ST6GALNAC3: variants seen among roughly 807,000 people sequenced by gnomAD.
The protein encoded by ST6GALNAC3 is alpha-N-acetylgalactosaminide alpha-2,6-sialyltransferase 3.
Under a neutral mutation model 32.7 loss-of-function variants are expected in ST6GALNAC3, and 25 were observed. The ratio of observed to expected loss-of-function variants is 0.76; its 90% CI spans 0.56 to 1.07. The LOEUF is 1.07. Among genes scored for constraint, ST6GALNAC3 ranks in the 50% least tolerant of loss-of-function variants. The pLI is 0.00. For synonymous variants in ST6GALNAC3, 129 were observed against 133.1 expected (o/e 0.97, Z 0.21); for missense variants, 355 against 382.4 (o/e 0.93, Z 0.60).
intron 2 of ST6GALNAC3, among the ~76,000 whole-genome samples, chr1:76,345,874 C>T (rs1200243625): frequency 6.6e-6 from 1 of 152,096 alleles, no homozygotes; most frequent in African/African-American, 2.4e-5. Context: ...TGTCCTTCCT[C>T]AGGGCCTTTG....
chr1:76,474,911 C>T (rs1659252047), intron 3 of ST6GALNAC3, among the ~76,000 whole-genome samples: 1 of 152,134 alleles, frequency 6.6e-6, no homozygotes, highest in Admixed American at 6.5e-5. Context: ...ACACGCTCAA[C>T]TAAAATTATC....
At chr1:76,306,766 T>A in intron 1 of ST6GALNAC3, among the ~76,000 whole-genome samples, 1 of 152,012 alleles carries the variant, frequency 6.6e-6, no homozygotes, top group Middle Eastern at 3.4e-3. Flanking sequence ...AGAGGTTACA[T>A]TGAACTTTCT....
intron 1 of ST6GALNAC3, among the ~76,000 whole-genome samples, chr1:76,152,331 G>A (rs1314479008): frequency 1.3e-5 from 2 of 152,170 alleles, no homozygotes; most frequent in Non-Finnish European, 2.9e-5. Flanking sequence ...TGCTGTCCAG[G>A]TTATTTAAGA....
chr1:76,197,443 G>A (rs1182149139), intron 1 of ST6GALNAC3, among the ~76,000 whole-genome samples: 1 of 151,140 alleles, frequency 6.6e-6, no homozygotes, highest in African/African-American at 2.4e-5. Context: ...TCAAGGGAAG[G>A]GCAGGAAGAT....
rs1054242356 is a variant in ST6GALNAC3, at chr1:76,497,611, G to A, written c.623+85194G>A. 2.6e-5 allele frequency among the ~76,000 whole-genome samples: 4 copies of A among 152,250 alleles called. No homozygotes were observed. The South Asian group carries it at 6.2e-4, about 24-fold the overall frequency. ...TCTATTGAGTTCGTGTTCTCCTCCCGTTACTTGGCTAAAGAGTGGTTAGGA... is the reference window on the plus strand; with the variant it reads ...TCTATTGAGTTCGTGTTCTCCTCCCATTACTTGGCTAAAGAGTGGTTAGGA... On this transcript the variant is annotated intron_variant, in intron 3 of 4. Transcript: ENST00000328299.
rs148121841 is a variant in ST6GALNAC3, at chr1:76,527,391, T to G, written c.624-100061T>G. Among the ~76,000 whole-genome samples, 923 of 152,228 alleles carry G rather than the reference T, an allele frequency of 6.1e-3. 7 individuals are homozygous for G. Among genetic ancestry groups the G allele is most frequent in the African/African-American group, 0.021 (875 of 41,558 alleles). Reference sequence around the variant, plus strand: ...TGTCCATTTCAAAGATTAAATAGTTTTGGAAAAATTTTCTCCCCTGGCAGT... The same window carrying G: ...TGTCCATTTCAAAGATTAAATAGTTGTGGAAAAATTTTCTCCCCTGGCAGT... On this transcript the variant is annotated intron_variant, in intron 3 of 4. Coordinates refer to ENST00000328299, the MANE Select transcript of ST6GALNAC3 (RefSeq NM_152996.4).
chr1:76,275,010 G>T (rs1659054860), intron 1 of ST6GALNAC3, among the ~76,000 whole-genome samples: 1 of 152,148 alleles, frequency 6.6e-6, no homozygotes, highest in South Asian at 2.1e-4. Context: ...ATAATAGTGT[G>T]GTGTCCCTGT....
intron 1 of ST6GALNAC3, among the ~76,000 whole-genome samples, chr1:76,234,246 C>A (rs533108346): frequency 6.6e-6 from 1 of 152,148 alleles, no homozygotes; most frequent in Non-Finnish European, 1.5e-5. Flanking sequence ...TACCCTCCCC[C>A]GGTAGTGGCC....
intron 1 of ST6GALNAC3, among the ~76,000 whole-genome samples, chr1:76,253,446 C>T (rs538491240): frequency 9.2e-5 from 14 of 152,136 alleles, no homozygotes; most frequent in East Asian, 1.9e-4. Context: ...CACGTGAACC[C>T]GAACTGACAC....
chr1:76,302,287 G>T (rs145155632), intron 1 of ST6GALNAC3, among the ~76,000 whole-genome samples: 289 of 152,118 alleles, frequency 1.9e-3, no homozygotes, highest in Middle Eastern at 6.8e-3. Context: ...ATTTGCTGAG[G>T]TGTTTTGTTT....
intron 3 of ST6GALNAC3, among the ~76,000 whole-genome samples, chr1:76,435,201 CA>C (rs1305162559): frequency 6.6e-6 from 1 of 151,906 alleles, no homozygotes; most frequent in African/African-American, 2.4e-5. Flanking sequence ...ATTCAATATT[CA>C]AAAAGTATAT....
At chr1:76,342,368 T>C (rs548242357) in intron 2 of ST6GALNAC3, among the ~76,000 whole-genome samples, 14 of 152,240 alleles carry the variant, frequency 9.2e-5, no homozygotes, top group African/African-American at 3.1e-4. Context: ...CTCTCCAGCA[T>C]CTGTTGTTTC....
intron 1 of ST6GALNAC3, among the ~76,000 whole-genome samples, chr1:76,269,046 G>A (rs546685101): frequency 1.2e-4 from 19 of 152,152 alleles, no homozygotes; most frequent in Non-Finnish European, 1.9e-4. Context: ...TCCCTAGAGG[G>A]AGGGAATTTG....
At chr1:76,365,926 A>G (rs1176279881) in intron 2 of ST6GALNAC3, among the ~76,000 whole-genome samples, 1 of 152,134 alleles carries the variant, frequency 6.6e-6, no homozygotes, top group Non-Finnish European at 1.5e-5. Flanking sequence ...ATCTCCTTCC[A>G]GTTCCTACAT....
intron 1 of ST6GALNAC3, among the ~76,000 whole-genome samples, chr1:76,259,118 C>G (rs186321491): frequency 6.6e-6 from 1 of 152,262 alleles, no homozygotes; most frequent in East Asian, 1.9e-4. Flanking sequence ...AATACAGAAT[C>G]ATGACAGCTG....
intron 1 of ST6GALNAC3, among the ~76,000 whole-genome samples, chr1:76,194,238 T>C (rs1654066094): frequency 6.6e-6 from 1 of 152,144 alleles, no homozygotes; most frequent in South Asian, 2.1e-4. Context: ...ACATATACTT[T>C]CTGTTTGGAA....
At chr1:76,542,798 C>T (rs1000393275) in intron 3 of ST6GALNAC3, among the ~76,000 whole-genome samples, 3 of 152,152 alleles carry the variant, frequency 2.0e-5, no homozygotes, top group African/African-American at 4.8e-5. Flanking sequence ...AGACTCATTA[C>T]GGACAATGGT....
intron 2 of ST6GALNAC3, among the ~76,000 whole-genome samples, chr1:76,318,571 G>A (rs1027821841): frequency 1.2e-4 from 18 of 152,028 alleles, no homozygotes; most frequent in African/African-American, 1.7e-4. Flanking sequence ...CCCTGCCCTC[G>A]CCTCCCTGCT....
intron 3 of ST6GALNAC3, among the ~76,000 whole-genome samples, chr1:76,578,781 C>T (rs1360036064): frequency 2.6e-5 from 4 of 152,096 alleles, no homozygotes; most frequent in East Asian, 3.9e-4. Flanking sequence ...AAATCTGATA[C>T]GTGTTTTTGT....
Sources: gnomAD v4.1 joint callset for allele counts (sites outside exome capture counted in the v4.1 genomes callset) on GRCh38, gnomAD v4.1.1 for gene constraint, MANE v1.5 for transcripts, NCBI Gene and HGNC (gene_info 2026-07-23, HGNC 2026-07-21) for gene names.